REPS2: variants seen among roughly 807,000 people sequenced by gnomAD.
REPS2 encodes ralBP1-associated Eps domain-containing protein 2.
REPS2 carries 23 observed loss-of-function variants against 53.6 expected under a neutral mutation model. The ratio of observed to expected loss-of-function variants is 0.43; its 90% CI spans 0.31 to 0.61. REPS2 has a LOEUF of 0.61. Ranked by LOEUF, REPS2 falls within the 20% of genes least tolerant of loss-of-function variation. The pLI, the probability that REPS2 is intolerant of heterozygous loss-of-function variation, is 0.11. For missense variants in REPS2, 446 were observed against 534.9 expected (o/e 0.83, Z 1.64); for synonymous variants, 238 against 218.6 (o/e 1.09, Z -0.78).
At chrX:17,145,287 T>C (rs1156943194) in intron 17 of REPS2, among the ~76,000 whole-genome samples, 2 of 111,640 alleles carry the variant, frequency 1.8e-5, no homozygotes, top group Non-Finnish European at 3.8e-5. Flanking sequence ...TGATGTTATA[T>C]GGTCTCATGG....
intron 8 of REPS2, among the ~76,000 whole-genome samples, chrX:17,056,650 G>A (rs1028307039): frequency 5.5e-5 from 6 of 109,483 alleles, no homozygotes; most frequent in Non-Finnish European, 3.8e-5. Flanking sequence ...AGCCGAGATC[G>A]CGCCACTGCA....
chrX:17,188,547 G>T, the REPS2 span, among the ~76,000 whole-genome samples: 1 of 112,027 alleles, frequency 8.9e-6, no homozygotes, highest in African/African-American at 3.2e-5. Context: ...AATATCCTAG[G>T]AAAGGCTCAG....
At position 17,064,949 on chromosome X, in the gene REPS2, G is replaced by A. The variant is rs1056394736; in HGVS notation, c.1209+2417G>A. On this transcript the variant is annotated intron_variant, in intron 9 of 17. Transcript: ENST00000357277. ...TCAAGGTTCACTCAGATCATAACAT[G>A]TATCAGTGCTTCATTCCTTTTTAAT... Among the ~76,000 whole-genome samples the A allele has an allele frequency of 8.9e-5, 10 of 112,806 alleles. No homozygotes were observed. The South Asian group carries it at 3.2e-3, about 36-fold the overall frequency.
intron 5 of REPS2, among the ~76,000 whole-genome samples, chrX:17,044,768 A>T (rs1284912141): frequency 3.6e-5 from 4 of 111,669 alleles, no homozygotes; most frequent in African/African-American, 9.8e-5. Context: ...ATTCAAGCTG[A>T]CATTCTCCAC....
intron 1 of REPS2, among the ~76,000 whole-genome samples, chrX:16,959,278 T>A (rs1001694299): frequency 2.7e-5 from 3 of 111,820 alleles, no homozygotes; most frequent in African/African-American, 6.5e-5. Flanking sequence ...TTTTAATATT[T>A]TGTAGAGACA....
chrX:16,971,497 G>A (rs773109948), intron 1 of REPS2, among the ~76,000 whole-genome samples: 1 of 111,971 alleles, frequency 8.9e-6, no homozygotes, highest in African/African-American at 3.2e-5. Context: ...TCTTGATGGT[G>A]TCCTTTGAAG....
intron 6 of REPS2, among the ~76,000 whole-genome samples, chrX:17,050,176 TTCTTTCTTTCTTTCTTTC>T (rs2061969604): frequency 3.7e-5 from 2 of 53,751 alleles, no homozygotes; most frequent in African/African-American, 1.7e-4. Context: ...CTTTCTTTCT[TTCTTTCTTTCTTTCTTTC>T]TTTTTTTTTT....
At chrX:17,050,590 C>CA (rs2061988910) in intron 6 of REPS2, among the ~76,000 whole-genome samples, 1 of 111,366 alleles carries the variant, frequency 9.0e-6, no homozygotes, top group African/African-American at 3.3e-5. Context: ...GCTGTTCGCA[C>CA]AATGAGGAAA....
chrX:17,159,078 A>G, the REPS2 span, among the ~76,000 whole-genome samples: 1 of 111,690 alleles, frequency 9.0e-6, no homozygotes, highest in Non-Finnish European at 1.9e-5. Context: ...ATATGATTCC[A>G]TCAAATTTTT....
In REPS2 at chrX:17,114,707, G is replaced by A. The variant is rs988659507; in HGVS notation, c.1578+10928G>A. Among the ~76,000 whole-genome samples, 6 of 112,175 alleles carry A rather than the reference G, an allele frequency of 5.3e-5. No homozygotes were observed. In the Admixed American group the frequency reaches 5.7e-4, roughly 11 times the overall value. On this transcript the variant is annotated intron_variant, in intron 14 of 17. Coordinates refer to ENST00000357277, the MANE Select transcript of REPS2 (RefSeq NM_004726.3). The stretch of plus-strand genomic sequence containing the variant: ...ATATATTGCATAATTACATTGTTAC[G>A]ATGACTCTAGCAATTGTGAGGTTCA...
intron 2 of REPS2, among the ~76,000 whole-genome samples, chrX:17,013,781 T>C (rs1405496892): frequency 1.8e-5 from 2 of 111,062 alleles, no homozygotes; most frequent in South Asian, 3.8e-4. Flanking sequence ...TCCTTTTTTT[T>C]CCTCAGTGTT....
At chrX:16,984,955 T>C (rs940719988) in intron 1 of REPS2, among the ~76,000 whole-genome samples, 3 of 111,936 alleles carry the variant, frequency 2.7e-5, no homozygotes, top group African/African-American at 9.7e-5. Flanking sequence ...GCAAGGACTG[T>C]GCAGTTTCCA....
chrX:17,163,435 G>A, the REPS2 span, among the ~76,000 whole-genome samples: 1 of 111,802 alleles, frequency 8.9e-6, no homozygotes, highest in Admixed American at 9.5e-5. Context: ...AATAATGGGT[G>A]AAACCTTCCC....
intron 14 of REPS2, among the ~76,000 whole-genome samples, chrX:17,125,350 C>G (rs1011276100): frequency 1.8e-5 from 2 of 111,621 alleles, no homozygotes; most frequent in African/African-American, 6.5e-5. Context: ...GCACCTGTGG[C>G]CTTGCCCAGA....
chrX:16,989,219 A>C (rs138753891), intron 1 of REPS2, among the ~76,000 whole-genome samples: 32 of 101,723 alleles, frequency 3.1e-4, no homozygotes, highest in African/African-American at 1.1e-3. Context: ...CTTTTTGACA[A>C]ATGGTGCTAG....
chrX:17,040,362 TTC>T (rs1339968711), intron 5 of REPS2, among the ~76,000 whole-genome samples: 2 of 112,491 alleles, frequency 1.8e-5, no homozygotes, highest in Admixed American at 9.4e-5. Flanking sequence ...AGGTTAACCT[TTC>T]TCTGTCTCTA....
In REPS2 at chrX:17,151,577, A is replaced by G. The variant is rs2063569408; in HGVS notation, c.*4096A>G. ...CAAACTAGAATCACACCTTCTCACT[A>G]GATATCACCAAGGGAATGTGGTTTT... is the stretch of plus-strand genomic sequence containing the variant. On this transcript the variant is annotated 3_prime_UTR_variant, in exon 18 of 18. Transcript: ENST00000357277. 1 of 112,890 alleles carries G rather than the reference A, an allele frequency of 8.9e-6. No homozygotes were observed. Among genetic ancestry groups the G allele is most frequent in the Non-Finnish European group, 1.9e-5 (1 of 53,313 alleles). 9.3% of individuals were successfully genotyped at this position (112,890 alleles called of 1,213,427 possible).
At chrX:17,034,638 A>G (rs1191570609) in intron 5 of REPS2, among the ~76,000 whole-genome samples, 1 of 112,314 alleles carries the variant, frequency 8.9e-6, no homozygotes, top group African/African-American at 3.2e-5. Flanking sequence ...ATTGCACTAG[A>G]AAAAATTATC....
In REPS2 at chrX:17,104,181, A is replaced by T. The variant is rs140827084; in HGVS notation, c.1578+402A>T. Among the ~76,000 whole-genome samples the T allele has an allele frequency of 3.5e-3, 393 of 111,998 alleles. 1 individual carries two copies. The highest frequency in any genetic ancestry group is 8.4e-3 in the Admixed American group (89 of 10,564). ...AGCTATGTTAATTCTACATAAATGA[A>T]AAATAAATGGTTATCAACATGGGGT... On this transcript the variant is annotated intron_variant, in intron 14 of 17. Transcript: ENST00000357277.
Sources: allele counts gnomAD v4.1 joint callset (sites outside exome capture counted in the v4.1 genomes callset), GRCh38; gene constraint gnomAD v4.1.1; transcripts MANE v1.5; gene names NCBI Gene and HGNC (gene_info 2026-07-23, HGNC 2026-07-21).